SEMA6D: variants seen among roughly 807,000 people sequenced by gnomAD.
SEMA6D encodes semaphorin-6D.
A neutral mutation model predicts 106.6 loss-of-function variants in SEMA6D; 35 were observed. That is an observed-to-expected ratio of 0.33 (90% CI 0.25 to 0.44). The LOEUF (loss-of-function observed/expected upper bound fraction) is 0.44, where lower values mean the gene tolerates loss of function less well. Among genes scored for constraint, SEMA6D ranks in the 20% least tolerant of loss-of-function variants. The pLI, the probability that SEMA6D is intolerant of heterozygous loss-of-function variation, is 1.00. For missense variants in SEMA6D, 1,185 were observed against 1,345.9 expected (o/e 0.88, Z 1.87); for synonymous variants, 499 against 487.7 (o/e 1.02, Z -0.31).
chr15:47,770,612 A>G lies in SEMA6D; in HGVS notation c.2049A>G (p.Val683=), dbSNP rs1040277337. 8.7e-6 allele frequency: 14 copies of G among 1,613,930 alleles called. No individual in the cohort carries two copies. The highest frequency in any genetic ancestry group is 1.2e-5 in the Non-Finnish European group (14 of 1,179,978). Residue 683 remains valine, a synonymous_variant, in exon 19 of 19, where the codon GTA becomes GTG. Coordinates refer to ENST00000536845, the MANE Select transcript of SEMA6D (RefSeq NM_001358351.3). Reference sequence around the variant, plus strand: ...GGGCATTCATTGCAGGTGTGGCAGTATACTGCTATCGAGACATGTTTGTTC... The same window carrying G: ...GGGCATTCATTGCAGGTGTGGCAGTGTACTGCTATCGAGACATGTTTGTTC... The part of the protein sequence containing the change: ...VLGAFIAGVA[V]YCYRDMFVRK...
intron 3 of SEMA6D, among the ~76,000 whole-genome samples, chr15:47,530,841 C>T (rs7497799): frequency 6.6e-6 from 1 of 152,160 alleles, no homozygotes; most frequent in Non-Finnish European, 1.5e-5. Flanking sequence ...ATTAAAACCT[C>T]TCATAGCCTC....
chr15:47,560,821 A>T, intron 3 of SEMA6D, among the ~76,000 whole-genome samples: 1 of 152,068 alleles, frequency 6.6e-6, no homozygotes, highest in East Asian at 1.9e-4. Flanking sequence ...ACACAGAAGA[A>T]CCTGTGTAGA....
intron 1 of SEMA6D, among the ~76,000 whole-genome samples, chr15:47,354,371 TTATA>T (rs544186437): frequency 7.1e-6 from 1 of 139,868 alleles, no homozygotes. Flanking sequence ...ATGTGAAAGC[TTATA>T]TATATATATA....
chr15:47,336,413 A>G (rs2144306243), intron 1 of SEMA6D, among the ~76,000 whole-genome samples: 1 of 152,242 alleles, frequency 6.6e-6, no homozygotes, highest in African/African-American at 2.4e-5. Flanking sequence ...TCCACTTGAT[A>G]ATTATCTGTG....
intron 4 of SEMA6D, among the ~76,000 whole-genome samples, chr15:47,648,238 C>T (rs1424855259): frequency 6.6e-6 from 1 of 152,176 alleles, no homozygotes; most frequent in Non-Finnish European, 1.5e-5. Context: ...GGAGTTGGCA[C>T]ATTCTCTCCA....
chr15:47,761,385 T>C lies in SEMA6D; in HGVS notation c.401T>C (p.Phe134Ser). The change falls in exon 6 of 19, where the codon TTT (phenylalanine) becomes TCT (serine). Residue 134 changes from phenylalanine (F) to serine (S), a missense_variant. Physicochemically the swap from Phe to Ser is radical, Grantham distance 155 (BLOSUM62 -2). Transcript: ENST00000536845. Reference protein sequence around the residue: ...VFVPRNDEMVFVCGTNAFNPM... With the variant: ...VFVPRNDEMVSVCGTNAFNPM... Reference sequence around the variant, plus strand: ...GTTCCAAGAAACGATGAGATGGTTTTTGTTTGTGGTACCAATGCATTCAAT... The same window carrying C: ...GTTCCAAGAAACGATGAGATGGTTTCTGTTTGTGGTACCAATGCATTCAAT... The C allele has an allele frequency of 6.2e-7, 1 of 1,613,502 alleles. No homozygotes were observed. The highest frequency in any genetic ancestry group is 8.5e-7 in the Non-Finnish European group (1 of 1,179,696).
chr15:47,421,141 C>A (rs2041140197), intron 2 of SEMA6D, among the ~76,000 whole-genome samples: 1 of 152,096 alleles, frequency 6.6e-6, no homozygotes, highest in African/African-American at 2.4e-5. Flanking sequence ...TTCATCCTCA[C>A]CTGTACCATT....
At chr15:47,345,236 G>A (rs925157210) in intron 1 of SEMA6D, among the ~76,000 whole-genome samples, 2 of 149,512 alleles carry the variant, frequency 1.3e-5, no homozygotes, top group Non-Finnish European at 3.0e-5. Flanking sequence ...AATCCATATG[G>A]AAATAAAAAA....
chr15:47,649,674 AG>A (rs2077648996), intron 4 of SEMA6D, among the ~76,000 whole-genome samples: 1 of 152,180 alleles, frequency 6.6e-6, no homozygotes, highest in Non-Finnish European at 1.5e-5. Context: ...GAGGAGAGAG[AG>A]ACGGAGAGGG....
chr15:47,464,389 C>T (rs1330357412), intron 2 of SEMA6D, among the ~76,000 whole-genome samples: 5 of 152,046 alleles, frequency 3.3e-5, no homozygotes, highest in Non-Finnish European at 7.4e-5. Context: ...CTCATATGTG[C>T]TCGTTAAGAA....
intron 2 of SEMA6D, among the ~76,000 whole-genome samples, chr15:47,429,088 G>A (rs1229574554): frequency 2.0e-5 from 3 of 152,014 alleles, no homozygotes; most frequent in African/African-American, 7.2e-5. Flanking sequence ...TAAGACCACA[G>A]CAAGTACTAG....
At chr15:47,619,102 A>G (rs2077055824) in intron 4 of SEMA6D, among the ~76,000 whole-genome samples, 1 of 151,918 alleles carries the variant, frequency 6.6e-6, no homozygotes, top group Admixed American at 6.6e-5. Flanking sequence ...TGTGCAGGCC[A>G]GGTAGTTTCC....
chr15:47,545,786 C>A (rs2045501355), intron 3 of SEMA6D, among the ~76,000 whole-genome samples: 1 of 152,126 alleles, frequency 6.6e-6, no homozygotes, highest in Admixed American at 6.6e-5. Flanking sequence ...GAATGAACAT[C>A]TGAGGACATT....
At chr15:47,693,957 A>T (rs1464224376) in intron 4 of SEMA6D, among the ~76,000 whole-genome samples, 2 of 152,054 alleles carry the variant, frequency 1.3e-5, no homozygotes, top group East Asian at 1.9e-4. Flanking sequence ...AAAACAAAAA[A>T]ATCTGAGAGC....
chr15:47,567,111 A>G (rs1596331033), intron 3 of SEMA6D, among the ~76,000 whole-genome samples: 2 of 152,232 alleles, frequency 1.3e-5, no homozygotes, highest in East Asian at 3.9e-4. Flanking sequence ...CAGGTCTTAA[A>G]GTAGGCTCAA....
chr15:47,205,244 T>G (rs1474264586), intron 1 of SEMA6D, among the ~76,000 whole-genome samples: 3 of 152,176 alleles, frequency 2.0e-5, no homozygotes, highest in Non-Finnish European at 4.4e-5. Flanking sequence ...ATGAACTATT[T>G]ATTGTCTTCT....
intron 1 of SEMA6D, among the ~76,000 whole-genome samples, chr15:47,338,478 G>A (rs977542506): frequency 3.3e-5 from 5 of 151,942 alleles, no homozygotes; most frequent in African/African-American, 7.3e-5. Context: ...AACATCTCAT[G>A]TACCTCATAA....
chr15:47,607,315 A>G (rs138700296), intron 4 of SEMA6D, among the ~76,000 whole-genome samples: 2 of 152,334 alleles, frequency 1.3e-5, no homozygotes, highest in African/African-American at 4.8e-5. Flanking sequence ...AGATCATATA[A>G]CTAACAAGCA....
rs72623946 is a variant in SEMA6D at position 47,291,046 on chromosome 15, G to A, written c.-239+106628G>A. Among the ~76,000 whole-genome samples the A allele has an allele frequency of 0.055, 8,375 of 152,162 alleles. 1,242 individuals are homozygous for A. The East Asian group carries it at 0.62, about 11-fold the overall frequency. On this transcript the variant is annotated intron_variant, in intron 1 of 19. Coordinates refer to the SEMA6D transcript ENST00000558014. ...ATGTATAGCTAGGCTATTCCATTAC[G>A]TTTCAGGTCTTCATTCAGAGTAATA...
Sources: allele counts gnomAD v4.1 joint callset (sites outside exome capture counted in the v4.1 genomes callset), GRCh38; gene constraint gnomAD v4.1.1; transcripts MANE v1.5; gene names NCBI Gene and HGNC (gene_info 2026-07-23, HGNC 2026-07-21).